The following AP1B1 variants were observed in gnomAD, a reference collection of about 807,000 sequenced individuals.
The protein encoded by AP1B1 is adaptor related protein complex 1 subunit beta 1.
In AP1B1, 36 loss-of-function variants were observed where a neutral mutation model predicts 104.3. The observed-to-expected ratio is 0.35, with a 90% CI of 0.26 to 0.46. The LOEUF is 0.46. Ranked by LOEUF, AP1B1 falls within the 20% of genes least tolerant of loss-of-function variation. AP1B1 has a pLI of 1.00. For missense variants in AP1B1, 901 were observed against 1,247.9 expected, an observed-to-expected ratio of 0.72 and a Z score of 4.19; for synonymous variants, 504 against 517.5, an observed-to-expected ratio of 0.97 and a Z score of 0.35.
Position 29,349,250 on chromosome 22 carries a change from A to G in AP1B1, c.1405T>C (p.Phe469Leu). ...CTCTCGTCATGGAAGCCCTCGAGGAAGCTCTCCAGCAGCTCATCTGCGTTG... is the reference window on the plus strand; with the variant it reads ...CTCTCGTCATGGAAGCCCTCGAGGAGGCTCTCCAGCAGCTCATCTGCGTTG... ...IDNADELLES[F>L]LEGFHDESTQ... The change falls in exon 11 of 23, where the codon TTC (phenylalanine) becomes CTC (leucine). Residue 469 changes from phenylalanine to leucine, a missense_variant. Transcript: ENST00000357586. 6.2e-7 allele frequency: 1 copy of G among 1,613,822 alleles called. No homozygotes were observed. The highest frequency in any genetic ancestry group is 8.5e-7 in the Non-Finnish European group (1 of 1,180,050).
chr22:29,357,673 C>T (rs983990124), intron 5 of AP1B1, among the ~76,000 whole-genome samples: 1 of 147,712 alleles, frequency 6.8e-6, no homozygotes, highest in South Asian at 2.1e-4. Flanking sequence ...CCACTGCGCG[C>T]GGCCTCAGGC....
chr22:29,341,804 G>A (rs750016418), intron 12 of AP1B1, 44 bp from the exon 13 acceptor site: 2 of 1,570,064 alleles, frequency 1.3e-6, no homozygotes, highest in Non-Finnish European at 1.7e-6. Context: ...GAGTAGCCAG[G>A]TGAGAAGGGA....
intron 2 of AP1B1, among the ~76,000 whole-genome samples, chr22:29,366,412 G>A (rs1288078631): frequency 3.3e-5 from 5 of 152,082 alleles, no homozygotes; most frequent in Non-Finnish European, 5.9e-5. Context: ...CTGAGGGGGC[G>A]GATCACCTGA....
rs753164781 is a variant in AP1B1, at chr22:29,354,637, G to C, written c.938+13C>G. 1 of 1,612,958 alleles carries C rather than the reference G, an allele frequency of 6.2e-7. No homozygotes were observed. Reference sequence around the variant, plus strand: ...AGGGGTACGCATGGACGTGCGTGTGGTGACCTCAGTACCTTTTCTGCACGA... The same window carrying C: ...AGGGGTACGCATGGACGTGCGTGTGCTGACCTCAGTACCTTTTCTGCACGA... On this transcript the variant is annotated intron_variant, in intron 7 of 22. Coordinates refer to ENST00000357586, the MANE Select transcript of AP1B1 (RefSeq NM_001127.4).
chr22:29,388,136 C>T (rs1313192918), intron 1 of AP1B1, among the ~76,000 whole-genome samples: 1 of 152,234 alleles, frequency 6.6e-6, no homozygotes, highest in African/African-American at 2.4e-5. Context: ...AAGAGTTTTC[C>T]CTCAGGCCAG....
intron 1 of AP1B1, among the ~76,000 whole-genome samples, chr22:29,383,251 A>T (rs2062465666): frequency 6.6e-6 from 1 of 152,144 alleles, no homozygotes. Context: ...ACAGCAGCAG[A>T]CCCAAGGCTG....
chr22:29,348,804 G>A (rs1291130379), intron 11 of AP1B1, among the ~76,000 whole-genome samples: 1 of 152,174 alleles, frequency 6.6e-6, no homozygotes, highest in Non-Finnish European at 1.5e-5. Context: ...GTCTACTGGT[G>A]TATTCCTAAA....
chr22:29,342,451 G>C, intron 11 of AP1B1, 68 bp from the exon 12 acceptor site: 1 of 1,331,690 alleles, frequency 7.5e-7, no homozygotes. Flanking sequence ...GAACAAAAAG[G>C]CTTGAAGAGG....
chr22:29,330,526 G>C lies in AP1B1; in HGVS notation c.2618C>G (p.Ala873Gly). Residue 873 changes from alanine (A) to glycine (G), a missense_variant, in exon 21 of 23, where the codon GCG becomes GGG. By Grantham distance (60) the Ala-to-Gly change is moderately conservative (BLOSUM62 0). Transcript: ENST00000357586. ...IRDCPLNAEA[A>G]SSKLQSSNIF... ...GTTGCTGCTCTGCAGCTTGCTGCTC[G>C]CAGCCTCTGTGGGGTCACATGGCCG... is the stretch of plus-strand genomic sequence containing the variant. 2 of 1,610,090 alleles carry C rather than the reference G, an allele frequency of 1.2e-6. No individual in the cohort carries two copies. Among genetic ancestry groups the C allele is most frequent in the Non-Finnish European group, 1.7e-6 (2 of 1,176,742 alleles).
chr22:29,349,322 G>C lies in AP1B1; in HGVS notation c.1333C>G (p.Arg445Gly). The C allele has an allele frequency of 6.2e-7, 1 of 1,614,072 alleles. No individual in the cohort carries two copies. The highest frequency in any genetic ancestry group is 1.1e-5 in the South Asian group (1 of 91,080). ...CCCACAATCCAGATCATGGCAGCCC[G>C]GGCCTCAGGCTCATCCAGGGAGTCC... ...NLDSLDEPEARAAMIWIVGEY... is the reference protein window; with the variant it reads ...NLDSLDEPEAGAAMIWIVGEY... The change falls in exon 11 of 23, where the codon CGG becomes GGG. Residue 445 changes from arginine to glycine, a missense_variant. This residue lies in a region of AP1B1 where 471 missense variants were observed against 696.7 expected (regional missense o/e 0.68). Coordinates refer to ENST00000357586, the MANE Select transcript of AP1B1 (RefSeq NM_001127.4).
At chr22:29,360,632 C>T (rs1220994242) in intron 3 of AP1B1, among the ~76,000 whole-genome samples, 8 of 151,868 alleles carry the variant, frequency 5.3e-5, no homozygotes, top group African/African-American at 1.2e-4. Flanking sequence ...TAACTGCCCT[C>T]AGAAGTCAGG....
At chr22:29,331,618 C>T in intron 18 of AP1B1, 85 bp from the exon 19 acceptor site, 1 of 1,578,902 alleles carries the variant, frequency 6.3e-7, no homozygotes, top group South Asian at 1.1e-5. Context: ...AGCAGATTCT[C>T]TCCCAGGGCC....
Position 29,351,813 on chromosome 22 carries a change from C to T in AP1B1, c.951G>A (p.Leu317=), listed in dbSNP as rs1308511990. Residue 317 remains leucine (L), a synonymous_variant, in exon 8 of 23, where the codon CTG becomes CTA. Coordinates refer to ENST00000357586, the MANE Select transcript of AP1B1 (RefSeq NM_001127.4). ...CGAAGAACACCTTCATCTCATGCTT[C>T]AGGATCTCAGGCCTGGTGGTGGGGC... ...NLIVQKRPEI[L]KHEMKVFFVK... 6 of 1,614,106 alleles carry T rather than the reference C, an allele frequency of 3.7e-6. No individual in the cohort carries two copies. Among genetic ancestry groups the T allele is most frequent in the Admixed American group, 1.7e-5 (1 of 60,012 alleles).
chr22:29,366,586 G>A (rs1033078201), intron 2 of AP1B1, among the ~76,000 whole-genome samples: 1 of 152,020 alleles, frequency 6.6e-6, no homozygotes, highest in Non-Finnish European at 1.5e-5. Flanking sequence ...TGAGATCAGC[G>A]CCATTGCACT....
chr22:29,330,262 T>A (rs1051687232), intron 21 of AP1B1, 116 bp downstream of exon 21: 11 of 1,531,702 alleles, frequency 7.2e-6, no homozygotes, highest in Non-Finnish European at 8.8e-6. Context: ...CCAAACTGAT[T>A]CTAGTTCAAG....
chr22:29,336,998 C>A (rs751664557), intron 16 of AP1B1, among the ~76,000 whole-genome samples: 1 of 152,124 alleles, frequency 6.6e-6, no homozygotes, highest in African/African-American at 2.4e-5. Context: ...CTGGTGAGTA[C>A]GAGTTGGCCT....
At chr22:29,349,894 TA>T in intron 10 of AP1B1, 140 bp downstream of exon 10, 1 of 715,760 alleles carries the variant, frequency 1.4e-6, no homozygotes, top group Non-Finnish European at 2.4e-6. Context: ...GTGGACGAAA[TA>T]AAAAACAAAG....
chr22:29,347,422 G>T (rs2061809849), intron 11 of AP1B1, among the ~76,000 whole-genome samples: 1 of 152,178 alleles, frequency 6.6e-6, no homozygotes, highest in Non-Finnish European at 1.5e-5. Flanking sequence ...TACAAATGAA[G>T]AAACTGAGGC....
chr22:29,374,654 C>T (rs1453935279), intron 1 of AP1B1, among the ~76,000 whole-genome samples: 2 of 152,192 alleles, frequency 1.3e-5, no homozygotes, highest in Non-Finnish European at 2.9e-5. Flanking sequence ...GGTAAATAGG[C>T]GCCCTCATTT....
Sources: allele counts gnomAD v4.1 joint callset (sites outside exome capture counted in the v4.1 genomes callset), GRCh38; gene constraint gnomAD v4.1.1; regional missense constraint gnomAD v4.1.1; transcripts MANE v1.5; gene names NCBI Gene and HGNC (gene_info 2026-07-23, HGNC 2026-07-21).